Variants in VAV3 observed in about 807,000 individuals in gnomAD.
The protein encoded by VAV3 is vav guanine nucleotide exchange factor 3.
Under a neutral mutation model 131.2 loss-of-function variants are expected in VAV3, and 94 were observed. That is an observed-to-expected ratio of 0.72 (90% CI 0.61 to 0.85). VAV3 has a LOEUF of 0.85. Ranked by LOEUF, VAV3 falls within the 40% of genes least tolerant of loss-of-function variation. The probability of loss-of-function intolerance (pLI) is 0.00; values close to 1 mark genes in which losing one functional copy is unlikely to be tolerated. For synonymous variants in VAV3, 349 were observed against 342.0 expected (o/e 1.02, Z -0.22); for missense variants, 939 against 1,002.7 (o/e 0.94, Z 0.86).
chr1:107,723,993 A>C (rs927948671), intron 15 of VAV3, among the ~76,000 whole-genome samples: 6 of 152,116 alleles, frequency 3.9e-5, no homozygotes, highest in African/African-American at 1.4e-4. Context: ...GAAGCTCAGA[A>C]AAGTCAAGCA....
intron 2 of VAV3, among the ~76,000 whole-genome samples, chr1:107,856,514 C>A (rs573164102): frequency 6.6e-6 from 1 of 151,828 alleles, no homozygotes; most frequent in Non-Finnish European, 1.5e-5. Context: ...TGGTACTTTT[C>A]CCCCAGGACC....
chr1:107,837,301 T>C (rs1470848869), intron 2 of VAV3, among the ~76,000 whole-genome samples: 2 of 152,064 alleles, frequency 1.3e-5, no homozygotes, highest in South Asian at 2.1e-4. Context: ...ACCACATAAA[T>C]AGAACTAAAA....
chr1:107,637,301 C>T (rs1441868236), intron 20 of VAV3, among the ~76,000 whole-genome samples: 4 of 152,042 alleles, frequency 2.6e-5, no homozygotes, highest in Admixed American at 2.6e-4. Context: ...ACCTGAATAG[C>T]CATATGTTTG....
chr1:107,928,172 C>T (rs1229616520), intron 1 of VAV3, among the ~76,000 whole-genome samples: 1 of 152,156 alleles, frequency 6.6e-6, no homozygotes, highest in East Asian at 1.9e-4. Flanking sequence ...CAAGGCGGTG[C>T]CTCTACAACT....
intron 15 of VAV3, among the ~76,000 whole-genome samples, chr1:107,715,079 T>C (rs2101894686): frequency 6.6e-6 from 1 of 152,284 alleles, no homozygotes; most frequent in Non-Finnish European, 1.5e-5. Context: ...AATTAAAGTG[T>C]GGCTTTTGGC....
At chr1:107,789,347 G>T (rs1666171655) in intron 2 of VAV3, among the ~76,000 whole-genome samples, 1 of 152,162 alleles carries the variant, frequency 6.6e-6, no homozygotes, top group Non-Finnish European at 1.5e-5. Flanking sequence ...GAAAGAAAAG[G>T]CCAGAACGAT....
chr1:107,850,162 G>A (rs919417814), intron 2 of VAV3, among the ~76,000 whole-genome samples: 2 of 152,148 alleles, frequency 1.3e-5, no homozygotes, highest in Admixed American at 6.5e-5. Flanking sequence ...AGACAGTGTG[G>A]CAATTCCTCA....
intron 9 of VAV3, among the ~76,000 whole-genome samples, chr1:107,762,924 G>C (rs1224510525): frequency 3.9e-5 from 6 of 152,152 alleles, no homozygotes; most frequent in African/African-American, 1.4e-4. Flanking sequence ...AATAAAATGA[G>C]GTAGGATGAG....
At chr1:107,809,419 GA>G (rs1375350165) in intron 2 of VAV3, among the ~76,000 whole-genome samples, 6 of 152,132 alleles carry the variant, frequency 3.9e-5, no homozygotes, top group Non-Finnish European at 5.9e-5. Context: ...TTTGTCCTTG[GA>G]TAGTACAGTC....
chr1:107,624,139 T>C (rs1461636536), intron 20 of VAV3, among the ~76,000 whole-genome samples: 1 of 152,124 alleles, frequency 6.6e-6, no homozygotes, highest in Non-Finnish European at 1.5e-5. Context: ...TTGTGAAATG[T>C]ATACTGAGAA....
chr1:107,963,590 A>C (rs1409860324), intron 1 of VAV3: 3 of 152,114 alleles, frequency 2.0e-5, no homozygotes, highest in Non-Finnish European at 4.4e-5. Flanking sequence ...TCTAACTTTA[A>C]ATACATACTT....
intron 15 of VAV3, among the ~76,000 whole-genome samples, chr1:107,740,250 G>A (rs994685998): frequency 6.6e-6 from 1 of 150,592 alleles, no homozygotes; most frequent in African/African-American, 2.5e-5. Flanking sequence ...TCGCGCCACT[G>A]TACTCTAGGC....
At chr1:107,657,161 G>A (rs1387686767) in intron 19 of VAV3, among the ~76,000 whole-genome samples, 4 of 151,768 alleles carry the variant, frequency 2.6e-5, no homozygotes, top group Non-Finnish European at 5.9e-5. Flanking sequence ...CACCATGTTC[G>A]CCAGGTTGAT....
intron 15 of VAV3, among the ~76,000 whole-genome samples, chr1:107,737,182 T>C (rs1011072919): frequency 8.5e-5 from 13 of 152,180 alleles, no homozygotes; most frequent in African/African-American, 3.1e-4. Context: ...ATCCCTTCCT[T>C]ACACCTTATA....
At chr1:107,946,472 C>T (rs937252524) in intron 1 of VAV3, among the ~76,000 whole-genome samples, 6 of 152,196 alleles carry the variant, frequency 3.9e-5, no homozygotes, top group Non-Finnish European at 8.8e-5. Context: ...TCCACTAGAA[C>T]TGTTTCTCTG....
chr1:107,857,342 G>C (rs1571051398), intron 2 of VAV3, among the ~76,000 whole-genome samples: 2 of 152,302 alleles, frequency 1.3e-5, no homozygotes, highest in Non-Finnish European at 2.9e-5. Flanking sequence ...TAGCTTCCTT[G>C]CTCCTCAGCT....
chr1:107,702,931 T>C (rs1395722332), intron 17 of VAV3, among the ~76,000 whole-genome samples: 1 of 152,098 alleles, frequency 6.6e-6, no homozygotes, highest in East Asian at 1.9e-4. Flanking sequence ...ATTTACAAAA[T>C]GAATAAACAA....
intron 15 of VAV3, among the ~76,000 whole-genome samples, chr1:107,735,901 C>CA (rs1034285259): frequency 4.4e-4 from 67 of 151,946 alleles, no homozygotes; most frequent in African/African-American, 1.6e-3. Context: ...GACACAACAA[C>CA]AAAAAAAGAG....
rs1664364668 is a variant in VAV3, at chr1:107,760,772, T to C, written c.1017+12A>G. The C allele has an allele frequency of 1.9e-6, 3 of 1,596,988 alleles. No individual in the cohort carries two copies. Among genetic ancestry groups the C allele is most frequent in the South Asian group, 2.2e-5 (2 of 90,452 alleles). ...TAAATGGACAATAAATAAACTGTTT[T>C]AAGTTACATACCTGGAGGAGAAGGT... On this transcript the variant is annotated intron_variant, in intron 10 of 26. Coordinates refer to ENST00000370056, the MANE Select transcript of VAV3 (RefSeq NM_006113.5).
Sources: gnomAD v4.1 joint callset for allele counts (sites outside exome capture counted in the v4.1 genomes callset) on GRCh38, gnomAD v4.1.1 for gene constraint, MANE v1.5 for transcripts, NCBI Gene and HGNC (gene_info 2026-07-23, HGNC 2026-07-21) for gene names.